Variants in PKHD1L1 observed in about 807,000 individuals in gnomAD.
PKHD1L1 encodes the protein fibrocystin-L.
Under a neutral mutation model 462.9 loss-of-function variants are expected in PKHD1L1, and 434 were observed. The ratio of observed to expected loss-of-function variants is 0.94; its 90% CI spans 0.87 to 1.02. The LOEUF (loss-of-function observed/expected upper bound fraction) is 1.02. Ranked by LOEUF, PKHD1L1 falls within the 50% of genes least tolerant of loss-of-function variation. The probability of loss-of-function intolerance (pLI) is 0.00; values close to 1 mark genes in which losing one functional copy is unlikely to be tolerated. For missense variants in PKHD1L1, 5,202 were observed against 5,096.1 expected (o/e 1.02, Z -0.63); for synonymous variants, 1,781 against 1,750.0 (o/e 1.02, Z -0.44).
chr8:109,444,002 C>A, intron 37 of PKHD1L1, 100 bp downstream of exon 37: 2 of 1,016,738 alleles, frequency 2.0e-6, no homozygotes, highest in Non-Finnish European at 2.9e-6. Context: ...CTTTATTGAG[C>A]TATATCACAT....
chr8:109,462,697 A>G (rs935304195), intron 48 of PKHD1L1, among the ~76,000 whole-genome samples: 6 of 152,080 alleles, frequency 3.9e-5, no homozygotes, highest in African/African-American at 1.4e-4. Flanking sequence ...GCATGCCACC[A>G]CACCCAGCTA....
At chr8:109,415,862 GGGGTGTGTGTGTGT>G (rs1563752313) in intron 21 of PKHD1L1, among the ~76,000 whole-genome samples, 13 of 83,914 alleles carry the variant, frequency 1.5e-4, no homozygotes, top group South Asian at 8.8e-4. Flanking sequence ...AAAAAAAAAA[GGGGTGTGTGTGTGT>G]GTGTGTGTGT....
At position 109,400,182 on chromosome 8, in the gene PKHD1L1, G is replaced by C. The variant is rs16879428; in HGVS notation, c.1119G>C (p.Trp373Cys). Residue 373 changes from tryptophan to cysteine, a missense_variant, in exon 13 of 78, where the codon TGG (tryptophan) becomes TGC (cysteine). Trp to Cys is a radical substitution (Grantham distance 215). Around this residue, in one of 3 missense-constraint regions of PKHD1L1, gnomAD observed 4,497 missense variants for 4,336.8 expected, o/e 1.04. Coordinates refer to ENST00000378402, the MANE Select transcript of PKHD1L1 (RefSeq NM_177531.6). Reference sequence around the variant, plus strand: ...CGCCTGGGTACATGGGTGCCAGTTGGGTAGATTCAGCTTCCTATATTTGGC... The same window carrying C: ...CGCCTGGGTACATGGGTGCCAGTTGCGTAGATTCAGCTTCCTATATTTGGC... ...EKTPGYMGAS[W>C]VDSASYIWLM... 2.3e-3 allele frequency: 3,681 copies of C among 1,613,652 alleles called. 75 individuals are homozygous for C. The African/African-American group carries it at 0.043, about 19-fold the overall frequency.
intron 23 of PKHD1L1, among the ~76,000 whole-genome samples, chr8:109,421,979 G>A (rs992308671): frequency 4.6e-5 from 7 of 151,930 alleles, no homozygotes; most frequent in Non-Finnish European, 7.4e-5. Context: ...TCAAGTGATA[G>A]GTACATGTAA....
intron 17 of PKHD1L1, among the ~76,000 whole-genome samples, 191 bp from the exon 18 acceptor site, chr8:109,407,858 A>G (rs368318253): frequency 1.3e-5 from 2 of 152,148 alleles, no homozygotes; most frequent in East Asian, 1.9e-4. Flanking sequence ...TATTTATGCT[A>G]TGGATAAATC....
chr8:109,399,998 C>T, intron 12 of PKHD1L1, 78 bp from the exon 13 acceptor site: 1 of 1,416,818 alleles, frequency 7.1e-7, no homozygotes, highest in Non-Finnish European at 9.6e-7. Context: ...AAATCTATAA[C>T]CAACATCCAA....
At chr8:109,363,899 AC>A (rs541189632) in intron 1 of PKHD1L1, among the ~76,000 whole-genome samples, 177 of 152,292 alleles carry the variant, frequency 1.2e-3, no homozygotes, top group African/African-American at 4.1e-3. Context: ...GTCTCTTGGT[AC>A]TGTCTAACCT....
intron 21 of PKHD1L1, among the ~76,000 whole-genome samples, chr8:109,414,647 TATTTTCTTCCC>T (rs1018153945): frequency 1.5e-4 from 23 of 152,156 alleles, no homozygotes; most frequent in Non-Finnish European, 2.8e-4. Flanking sequence ...TGGAGAGCAC[TATTTTCTTCCC>T]ATCGTAGAAT....
intron 49 of PKHD1L1, 68 bp from the exon 50 acceptor site, chr8:109,466,510 A>G (rs765048513): frequency 3.5e-6 from 5 of 1,421,666 alleles, no homozygotes; most frequent in Non-Finnish European, 4.7e-6. Flanking sequence ...ACAATTCTGT[A>G]TATTGTAGAC....
intron 2 of PKHD1L1, among the ~76,000 whole-genome samples, chr8:109,365,134 T>G (rs952798020): frequency 6.6e-6 from 1 of 152,190 alleles, no homozygotes; most frequent in Non-Finnish European, 1.5e-5. Flanking sequence ...ATGGTTCCCC[T>G]TCTCCTTGCC....
chr8:109,438,238 T>G, intron 30 of PKHD1L1, 86 bp from the exon 31 acceptor site: 1 of 993,672 alleles, frequency 1.0e-6, no homozygotes, highest in Non-Finnish European at 1.4e-6. Flanking sequence ...TTCAGAAGTT[T>G]ATTCTGAATA....
At chr8:109,518,551 A>G (rs750479849) in intron 73 of PKHD1L1, 43 bp downstream of exon 73, 40 of 1,470,234 alleles carry the variant, frequency 2.7e-5, no homozygotes, top group Non-Finnish European at 2.5e-5. Context: ...GCAATTACCA[A>G]ATCCATATCC....
rs1479370055 is a variant in PKHD1L1 at position 109,443,120 on chromosome 8, A to G, written c.4564+4A>G. 6.2e-7 allele frequency: 1 copy of G among 1,612,074 alleles called. No homozygotes were observed. The highest frequency in any genetic ancestry group is 8.5e-7 in the Non-Finnish European group (1 of 1,178,580). On this transcript the variant is annotated splice_donor_region_variant and intron_variant, in intron 36 of 77. Transcript: ENST00000378402. ...TCTGAAGCCACATATGCTTATGGTA[A>G]GATGGTTAAAGATGGAAACTCTGTT...
chr8:109,456,660 C>T lies in PKHD1L1; in HGVS notation c.7004+269C>T, dbSNP rs368804306. ...GTCCTAGTAAAATGTATGTTTTACA[C>T]GGTTTGGCTCCCATGTAAGAATCTA... On this transcript the variant is annotated intron_variant, in intron 46 of 77. Transcript: ENST00000378402. Among the ~76,000 whole-genome samples, 16 of 152,124 alleles carry T rather than the reference C, an allele frequency of 1.1e-4. 1 individual carries two copies. The highest frequency in any genetic ancestry group is 3.9e-4 in the East Asian group (2 of 5,184).
chr8:109,508,637 G>A (rs546716594), intron 70 of PKHD1L1, among the ~76,000 whole-genome samples: 33 of 152,206 alleles, frequency 2.2e-4, no homozygotes, highest in Admixed American at 1.6e-3. Context: ...TTGACCTAAC[G>A]TATATTAAAA....
chr8:109,431,318 C>T (rs944043021), intron 27 of PKHD1L1, among the ~76,000 whole-genome samples: 2 of 152,044 alleles, frequency 1.3e-5, no homozygotes, highest in African/African-American at 4.8e-5. Flanking sequence ...TACAAAAATA[C>T]ATATATTTTT....
rs748665608 is a variant in PKHD1L1 at position 109,459,793 on chromosome 8, G to A, written c.7203G>A (p.Glu2401=). 6.2e-7 allele frequency: 1 copy of A among 1,611,500 alleles called. No individual in the cohort carries two copies. Among genetic ancestry groups the A allele is most frequent in the Admixed American group, 1.7e-5 (1 of 59,776 alleles). ...NILIRGSDNV[E]WNNKIPACPD... ...TAATAAGAGGATCTGATAATGTTGA[G>A]TGGAATAACAAAATTCCTGCATGTC... Residue 2401 remains glutamate, a synonymous_variant, in exon 47 of 78, where the codon GAG becomes GAA. Transcript: ENST00000378402.
chr8:109,524,341 T>C (rs906208680), intron 76 of PKHD1L1, among the ~76,000 whole-genome samples: 2 of 152,156 alleles, frequency 1.3e-5, no homozygotes, highest in African/African-American at 2.4e-5. Context: ...TGGGCAGCAA[T>C]ATCTCAGCCT....
At position 109,491,073 on chromosome 8, in the gene PKHD1L1, C is replaced by T; in HGVS notation, c.10086C>T (p.Asp3362=). The T allele has an allele frequency of 1.9e-6, 3 of 1,608,994 alleles. No homozygotes were observed. The highest frequency in any genetic ancestry group is 2.5e-6 in the Non-Finnish European group (3 of 1,176,474). ...GGACAGATGGATTGGACATAGATGA[C>T]AACATCATTCACTTTACAGTGGGGG... ...VFGTDGLDID[D]NIIHFTVGEG... The change falls in exon 61 of 78, where the codon GAC becomes GAT. Residue 3362 remains aspartate (D), a synonymous_variant. Coordinates refer to ENST00000378402, the MANE Select transcript of PKHD1L1 (RefSeq NM_177531.6).
Sources: allele counts gnomAD v4.1 joint callset (sites outside exome capture counted in the v4.1 genomes callset), GRCh38; gene constraint gnomAD v4.1.1; regional missense constraint gnomAD v4.1.1; transcripts MANE v1.5; gene names NCBI Gene and HGNC (gene_info 2026-07-23, HGNC 2026-07-21).